ZRANB2: variants seen among roughly 807,000 people sequenced by gnomAD.
ZRANB2 encodes the protein zinc finger RANBP2-type containing 2.
In ZRANB2, 19 loss-of-function variants were observed where a neutral mutation model predicts 53.4. That is an observed-to-expected ratio of 0.36 (90% confidence interval 0.25 to 0.52). The LOEUF is 0.52. ZRANB2 is among the 20% of genes least tolerant of loss of function. The probability of loss-of-function intolerance (pLI) is 0.93; values close to 1 mark genes in which losing one functional copy is unlikely to be tolerated. For synonymous variants in ZRANB2, 145 were observed against 134.8 expected, an observed-to-expected ratio of 1.08 and a Z score of -0.52; for missense variants, 309 against 401.1, an observed-to-expected ratio of 0.77 and a Z score of 1.96.
intron 9 of ZRANB2, chr1:71,065,529 T>C (rs112294026): frequency 8.1e-7 from 1 of 1,242,030 alleles, no homozygotes; most frequent in Non-Finnish European, 1.1e-6. Flanking sequence ...GTGTAAGAAG[T>C]CTATTATGTA....
At chr1:71,067,570 T>C (rs1307521595) in intron 8 of ZRANB2, 1 of 388,964 alleles carries the variant, frequency 2.6e-6, no homozygotes, top group Admixed American at 4.3e-5. Context: ...TAGAAGTAAA[T>C]GTGCAAATGT....
chr1:71,074,141 T>C (rs1008962367), intron 4 of ZRANB2, among the ~76,000 whole-genome samples: 2 of 152,160 alleles, frequency 1.3e-5, no homozygotes, highest in South Asian at 2.1e-4. Context: ...AGCTTAAGCA[T>C]AGCTTTCCTA....
At chr1:71,073,324 A>G (rs1661634169) in intron 4 of ZRANB2, among the ~76,000 whole-genome samples, 1 of 152,066 alleles carries the variant, frequency 6.6e-6, no homozygotes, top group African/African-American at 2.4e-5. Context: ...CCCATTGAAA[A>G]TTAAAGAGGT....
intron 8 of ZRANB2, 154 bp from the exon 9 acceptor site, chr1:71,067,088 T>C (rs1661461250): frequency 4.8e-6 from 3 of 623,118 alleles, no homozygotes; most frequent in Non-Finnish European, 5.0e-6. Flanking sequence ...ACAGAAGACT[T>C]CTGGATCAAC....
intron 3 of ZRANB2, 23 bp downstream of exon 3, chr1:71,078,434 A>G: frequency 6.3e-7 from 1 of 1,589,560 alleles, no homozygotes; most frequent in Non-Finnish European, 8.6e-7. Context: ...AAGAAAGAGC[A>G]GACAATAATT....
In ZRANB2 at chr1:71,076,756, TA is replaced by T. The variant is rs753847774; in HGVS notation, c.301+38del. On this transcript the variant is annotated intron_variant, in intron 4 of 9. Coordinates refer to ENST00000370920, the MANE Select transcript of ZRANB2 (RefSeq NM_203350.3). ...ATTATCGTTTCAATATTTAGTGCTT[TA>T]AAAAAAATCATTTAGTTACAATGTG... 1.1e-5 allele frequency: 16 copies of T among 1,474,392 alleles called. No homozygotes were observed. The East Asian group carries it at 1.4e-4, about 13-fold the overall frequency. The allele number at this position is 1,474,392 out of a possible 1,614,324, so 91.3% of individuals were successfully genotyped here.
chr1:71,080,885 C>T, intron 1 of ZRANB2, 55 bp downstream of exon 1: 1 of 1,596,494 alleles, frequency 6.3e-7, no homozygotes, highest in East Asian at 2.2e-5. Context: ...GGACGGACCT[C>T]GGAAAGCTTC....
Position 71,076,650 on chromosome 1 carries a change from GA to G in ZRANB2, c.301+144del, listed in dbSNP as rs149010919. On this transcript the variant is annotated intron_variant, in intron 4 of 9. Coordinates refer to ENST00000370920, the MANE Select transcript of ZRANB2 (RefSeq NM_203350.3). ...AAAGATTTGTATGTGTGTATGGGGGGAAAAAAATCCCAGTAACAAACATTCA... is the reference window on the plus strand; with the variant it reads ...AAAGATTTGTATGTGTGTATGGGGGGAAAAAATCCCAGTAACAAACATTCA... 2,620 of 663,254 alleles carry G rather than the reference GA, an allele frequency of 4.0e-3. 53 individuals are homozygous for G. The African/African-American group carries it at 0.041, about 10-fold the overall frequency. The allele number at this position is 663,254 out of a possible 1,614,324, so 41.1% of individuals were successfully genotyped here.
chr1:71,066,087 C>T (rs902707740), intron 9 of ZRANB2: 5 of 182,630 alleles, frequency 2.7e-5, no homozygotes, highest in Admixed American at 6.1e-5. Flanking sequence ...GCAAAGACTA[C>T]AAATAAAGCC....
intron 6 of ZRANB2, among the ~76,000 whole-genome samples, chr1:71,071,779 C>T (rs115277270): frequency 0.021 from 3,197 of 152,270 alleles, 109 homozygotes; most frequent in African/African-American, 0.073. Flanking sequence ...CAAACTTCAC[C>T]TCCTTAGACA....
chr1:71,078,685 C>A lies in ZRANB2; in HGVS notation c.80G>T (p.Arg27Ile). ...DKKCGNVNFARRTSCNRCGRE... is the reference protein window; with the variant it reads ...DKKCGNVNFAIRTSCNRCGRE... Reference sequence around the variant, plus strand: ...ACCACATCGATTACAGCTGGTTCTTCTAGCAAAGTTTACATTTCCACATCT... The same window carrying A: ...ACCACATCGATTACAGCTGGTTCTTATAGCAAAGTTTACATTTCCACATCT... Residue 27 changes from arginine (R) to isoleucine (I), a missense_variant, in exon 2 of 10, where the codon AGA becomes ATA. By Grantham distance (97) the Arg-to-Ile change is moderately conservative (BLOSUM62 -3). Transcript: ENST00000370920. 6.2e-7 allele frequency: 1 copy of A among 1,613,250 alleles called. No homozygotes were observed. The highest frequency in any genetic ancestry group is 8.5e-7 in the Non-Finnish European group (1 of 1,179,454).
Position 71,064,944 on chromosome 1 carries a change from T to C in ZRANB2, c.*130A>G, listed in dbSNP as rs112462014. On this transcript the variant is annotated 3_prime_UTR_variant, in exon 10 of 10. Transcript: ENST00000370920. ...CACAAATAAACACAGCTGTATTGTT[T>C]TGAAAAGCAATGAAAGGCATGCACC... The C allele has an allele frequency of 6.5e-4, 362 of 560,936 alleles. No individual in the cohort carries two copies. Among genetic ancestry groups the C allele is most frequent in the Non-Finnish European group, 1.1e-3 (333 of 314,854 alleles). 34.7% of individuals were successfully genotyped at this position (560,936 alleles called of 1,614,324 possible). A position where few individuals can be genotyped will look rare whatever the true frequency, so the allele number is the denominator to read the frequency against.
intron 6 of ZRANB2, among the ~76,000 whole-genome samples, chr1:71,071,875 TTATA>T (rs1444267041): frequency 6.6e-6 from 1 of 152,180 alleles, no homozygotes; most frequent in Non-Finnish European, 1.5e-5. Context: ...AATTACCTAT[TTATA>T]TATTTCCTCC....
At chr1:71,066,401 G>A (rs1422721125) in intron 9 of ZRANB2, 2 of 161,930 alleles carry the variant, frequency 1.2e-5, no homozygotes, top group Non-Finnish European at 2.7e-5. Context: ...TTTTTTATTA[G>A]ATGCTCTAGA....
intron 8 of ZRANB2, among the ~76,000 whole-genome samples, chr1:71,067,873 T>C (rs2101042185): frequency 6.8e-6 from 1 of 147,438 alleles, no homozygotes; most frequent in African/African-American, 2.5e-5. Context: ...TGCTCTCTAC[T>C]TCTATTTTTT....
intron 7 of ZRANB2, among the ~76,000 whole-genome samples, chr1:71,070,280 C>CGAAG (rs112391346): frequency 6.6e-6 from 1 of 152,028 alleles, no homozygotes; most frequent in Admixed American, 6.6e-5. Flanking sequence ...CATCAACAAA[C>CGAAG]AATATTCAAG....
intron 8 of ZRANB2, among the ~76,000 whole-genome samples, chr1:71,068,650 T>C (rs910543017): frequency 6.6e-6 from 1 of 152,184 alleles, no homozygotes; most frequent in Non-Finnish European, 1.5e-5. Flanking sequence ...TTATCTGATA[T>C]AAATGGCAAA....
chr1:71,080,126 TAAA>T (rs1295249929), intron 1 of ZRANB2, among the ~76,000 whole-genome samples: 1 of 152,178 alleles, frequency 6.6e-6, no homozygotes, highest in Non-Finnish European at 1.5e-5. Flanking sequence ...GTACAACAAA[TAAA>T]AGGCTTTTAT....
chr1:71,078,052 C>G (rs1403503404), intron 3 of ZRANB2, among the ~76,000 whole-genome samples: 1 of 152,068 alleles, frequency 6.6e-6, no homozygotes, highest in Admixed American at 6.6e-5. Flanking sequence ...ACTTACGGCA[C>G]ACAACTTATG....
Sources: gnomAD v4.1 joint callset for allele counts (sites outside exome capture counted in the v4.1 genomes callset) on GRCh38, gnomAD v4.1.1 for gene constraint, MANE v1.5 for transcripts, NCBI Gene and HGNC (gene_info 2026-07-23, HGNC 2026-07-21) for gene names.